The following MS4A5 variants were observed in gnomAD, a reference collection of about 807,000 sequenced individuals.
MS4A5 encodes membrane-spanning 4-domains subfamily A member 5.
Under a neutral mutation model 18.2 loss-of-function variants are expected in MS4A5, and 15 were observed. That is an observed-to-expected ratio of 0.83 (90% CI 0.55 to 1.27). The LOEUF (loss-of-function observed/expected upper bound fraction) is 1.27. MS4A5 is among the 50% of genes most tolerant of loss of function. The pLI is 0.00. For missense variants in MS4A5, 232 were observed against 225.7 expected, an observed-to-expected ratio of 1.03 and a Z score of -0.18; for synonymous variants, 89 against 78.7, an observed-to-expected ratio of 1.13 and a Z score of -0.69.
At chr11:60,431,582 C>T (rs1261500712) in intron 2 of MS4A5, among the ~76,000 whole-genome samples, 1 of 152,186 alleles carries the variant, frequency 6.6e-6, no homozygotes, top group Non-Finnish European at 1.5e-5. Context: ...GGAGAATAAA[C>T]ACAGGGGCTG....
intron 4 of MS4A5, among the ~76,000 whole-genome samples, chr11:60,439,959 C>G (rs1330601487): frequency 6.9e-6 from 1 of 144,434 alleles, no homozygotes; most frequent in Admixed American, 7.2e-5. Context: ...AAAGAGCCCA[C>G]ATCGCCAAGT....
intron 4 of MS4A5, among the ~76,000 whole-genome samples, chr11:60,443,287 C>T (rs114006604): frequency 0.015 from 2,262 of 151,796 alleles, 59 homozygotes; most frequent in African/African-American, 0.052. Context: ...AAATCATATA[C>T]AGTATATTGT....
chr11:60,438,139 AC>A (rs768056162), intron 4 of MS4A5, among the ~76,000 whole-genome samples: 13 of 152,102 alleles, frequency 8.5e-5, no homozygotes, highest in Non-Finnish European at 1.8e-4. Flanking sequence ...CTGCTCAACT[AC>A]ATGGAAACAG....
At chr11:60,435,606 T>C in intron 4 of MS4A5, 1 of 278,274 alleles carries the variant, frequency 3.6e-6, no homozygotes, top group Non-Finnish European at 7.0e-6. Context: ...GGGCGAGGCA[T>C]TGCCTCACTT....
chr11:60,443,872 T>C (rs2086126296), intron 4 of MS4A5, among the ~76,000 whole-genome samples: 1 of 152,168 alleles, frequency 6.6e-6, no homozygotes, highest in Non-Finnish European at 1.5e-5. Context: ...ATTGTTTCCT[T>C]ATAAAACCTA....
chr11:60,440,978 G>A (rs1370761225), intron 4 of MS4A5, among the ~76,000 whole-genome samples: 2 of 66,034 alleles, frequency 3.0e-5, no homozygotes, highest in South Asian at 5.4e-4. Context: ...ACACGCACAC[G>A]TATGTTTATT....
At chr11:60,430,649 G>A (rs2086043618) in intron 1 of MS4A5, 147 bp from the exon 2 acceptor site, 2 of 837,988 alleles carry the variant, frequency 2.4e-6, no homozygotes, top group South Asian at 3.2e-5. Flanking sequence ...AAGTACCCAG[G>A]AGCATCATAA....
At chr11:60,441,166 C>T (rs2135177756) in intron 4 of MS4A5, among the ~76,000 whole-genome samples, 1 of 128,488 alleles carries the variant, frequency 7.8e-6, no homozygotes, top group Non-Finnish European at 1.6e-5. Context: ...TCTCAGTAAT[C>T]TATCGCAAGA....
rs1305496586 is a variant in MS4A5 at position 60,447,731 on chromosome 11, A to G, written c.575A>G (p.Glu192Gly). Residue 192 changes from glutamate (E) to glycine (G), a missense_variant, in exon 5 of 5, where the codon GAG (glutamate) becomes GGG (glycine). By Grantham distance (98) the Glu-to-Gly change is moderately conservative (BLOSUM62 -2). Transcript: ENST00000300190. ...TTCTCAATTTTGGGGTGCCACTCAG[A>G]GGATTGTGATTGTGAACAATGTTGT... ...LPFSILGCHS[E>G]DCDCEQCC 6.9e-6 allele frequency: 11 copies of G among 1,599,120 alleles called. No individual in the cohort carries two copies. The highest frequency in any genetic ancestry group is 9.4e-6 in the Non-Finnish European group (11 of 1,174,208).
At chr11:60,438,219 A>C (rs2086091419) in intron 4 of MS4A5, among the ~76,000 whole-genome samples, 1 of 152,210 alleles carries the variant, frequency 6.6e-6, no homozygotes, top group Admixed American at 6.5e-5. Context: ...TGTTCTTTGA[A>C]ACCAATGAGA....
At chr11:60,441,263 T>A (rs2086109974) in intron 4 of MS4A5, among the ~76,000 whole-genome samples, 1 of 131,064 alleles carries the variant, frequency 7.6e-6, no homozygotes, top group Non-Finnish European at 1.6e-5. Context: ...AATATCACAC[T>A]CTGGGAACTG....
chr11:60,443,365 T>C (rs2086123685), intron 4 of MS4A5, among the ~76,000 whole-genome samples: 1 of 151,966 alleles, frequency 6.6e-6, no homozygotes, highest in Non-Finnish European at 1.5e-5. Flanking sequence ...CAAAACTGTT[T>C]TGAAATTCTA....
At chr11:60,442,947 G>A (rs554798092) in intron 4 of MS4A5, among the ~76,000 whole-genome samples, 1 of 152,172 alleles carries the variant, frequency 6.6e-6, no homozygotes, top group East Asian at 1.9e-4. Flanking sequence ...TTGAGACCAG[G>A]CTGGCCAACA....
intron 3 of MS4A5, among the ~76,000 whole-genome samples, chr11:60,432,858 G>T (rs568010026): frequency 6.6e-6 from 1 of 151,680 alleles, no homozygotes; most frequent in African/African-American, 2.4e-5. Context: ...ATTTATCCTG[G>T]CCTTGAAAAA....
chr11:60,446,997 T>G (rs1037608920), intron 4 of MS4A5, among the ~76,000 whole-genome samples: 7 of 150,846 alleles, frequency 4.6e-5, no homozygotes, highest in Non-Finnish European at 7.3e-5. Flanking sequence ...AAATGTATTT[T>G]TATATGCCTT....
intron 4 of MS4A5, among the ~76,000 whole-genome samples, chr11:60,437,949 C>T (rs1052000900): frequency 0.016 from 2,381 of 152,194 alleles, 57 homozygotes; most frequent in African/African-American, 0.05. Context: ...GAACTCTCCA[C>T]GCCAAATCAA....
At chr11:60,438,459 T>C (rs890772879) in intron 4 of MS4A5, among the ~76,000 whole-genome samples, 8 of 151,488 alleles carry the variant, frequency 5.3e-5, no homozygotes, top group Non-Finnish European at 8.8e-5. Flanking sequence ...CACAAAAAAC[T>C]CTTCAAAAAA....
intron 1 of MS4A5, among the ~76,000 whole-genome samples, chr11:60,430,140 G>A (rs565889854): frequency 3.5e-4 from 53 of 152,214 alleles, no homozygotes; most frequent in Non-Finnish European, 4.0e-4. Context: ...AGACTCACAC[G>A]TTTTTGTATA....
chr11:60,437,666 G>A (rs1338524112), intron 4 of MS4A5, among the ~76,000 whole-genome samples: 1 of 150,336 alleles, frequency 6.7e-6, no homozygotes, highest in East Asian at 1.9e-4. Context: ...AAGATCAAAA[G>A]AGACAAAGAA....
Sources: gnomAD v4.1 joint callset for allele counts (sites outside exome capture counted in the v4.1 genomes callset) on GRCh38, gnomAD v4.1.1 for gene constraint, MANE v1.5 for transcripts, NCBI Gene and HGNC (gene_info 2026-07-23, HGNC 2026-07-21) for gene names.